C2CD3: variants seen among roughly 807,000 people sequenced by gnomAD.
C2CD3 encodes C2 domain containing 3 centriole elongation regulator.
In C2CD3, 148 loss-of-function variants were observed where a neutral mutation model predicts 234.0. That is an observed-to-expected ratio of 0.63 (90% CI 0.55 to 0.72). C2CD3 has a LOEUF of 0.72. C2CD3 is among the 30% of genes least tolerant of loss of function. The pLI is 0.00. For missense variants in C2CD3, 2,577 were observed against 2,811.5 expected (o/e 0.92, Z 1.89); for synonymous variants, 1,000 against 1,035.4 (o/e 0.97, Z 0.66).
At chr11:74,116,995 T>C (rs1420656525) in intron 9 of C2CD3, among the ~76,000 whole-genome samples, 1 of 124,254 alleles carries the variant, frequency 8.0e-6, no homozygotes, top group African/African-American at 3.1e-5. Flanking sequence ...CACATATACG[T>C]GTATATGTAT....
Position 74,028,322 on chromosome 11 carries a change from A to G in C2CD3, c.6886T>C (p.Ser2296Pro), listed in dbSNP as rs1952387944. Reference sequence around the variant, plus strand: ...GTGGCTGCTGGTGGCAAAGTTGCTGAGAGTGAAAGCATCCGCAGGGAAGCC... The same window carrying G: ...GTGGCTGCTGGTGGCAAAGTTGCTGGGAGTGAAAGCATCCGCAGGGAAGCC... Reference protein sequence around the residue: ...LEASLRMLSLSATLPPAATTD... With the variant: ...LEASLRMLSLPATLPPAATTD... Residue 2296 changes from serine to proline, a missense_variant, in exon 32 of 33, where the codon TCA (serine) becomes CCA (proline). Physicochemically the swap from Ser to Pro is moderately conservative, Grantham distance 74 (BLOSUM62 -1). Coordinates refer to ENST00000334126, the MANE Select transcript of C2CD3 (RefSeq NM_001286577.2). 1 of 1,535,958 alleles carries G rather than the reference A, an allele frequency of 6.5e-7. No individual in the cohort carries two copies. Among genetic ancestry groups the G allele is most frequent in the African/African-American group, 1.4e-5 (1 of 73,038 alleles).
intron 32 of C2CD3, among the ~76,000 whole-genome samples, chr11:74,020,031 C>T (rs926059036): frequency 1.8e-4 from 27 of 152,154 alleles, no homozygotes; most frequent in African/African-American, 6.3e-4. Flanking sequence ...TCATGCCTGG[C>T]CTTGTCTCAT....
In C2CD3 at chr11:74,049,494, A is replaced by G. The variant is rs1477881587; in HGVS notation, c.5204T>C (p.Leu1735Pro). ...GFASVDLSPL[L>P]SGFQFVCGWY... ...GCCACAGACAAACTGGAAGCCAGAG[A>G]GAAGTGGGGAGAGGTCCACCGAGGC... is the stretch of plus-strand genomic sequence containing the variant. The change falls in exon 27 of 33, where the codon CTC (leucine) becomes CCC (proline). Residue 1735 changes from leucine (L) to proline (P), a missense_variant. Coordinates refer to ENST00000334126, the MANE Select transcript of C2CD3 (RefSeq NM_001286577.2). 6.2e-7 allele frequency: 1 copy of G among 1,612,882 alleles called. No individual in the cohort carries two copies. The highest frequency in any genetic ancestry group is 1.7e-5 in the Admixed American group (1 of 60,010).
intron 24 of C2CD3, among the ~76,000 whole-genome samples, chr11:74,066,597 C>T (rs1166615145): frequency 6.6e-6 from 1 of 151,910 alleles, no homozygotes; most frequent in South Asian, 2.1e-4. Flanking sequence ...AGAAAAGTAG[C>T]TACAGCTTTG....
chr11:74,016,974 G>T (rs1311200947), intron 32 of C2CD3, among the ~76,000 whole-genome samples: 1 of 152,164 alleles, frequency 6.6e-6, no homozygotes, highest in African/African-American at 2.4e-5. Flanking sequence ...CCTGGAGCGG[G>T]AACTTAAACA....
intron 3 of C2CD3, among the ~76,000 whole-genome samples, chr11:74,152,207 G>A (rs1046166462): frequency 1.3e-5 from 2 of 152,142 alleles, no homozygotes; most frequent in African/African-American, 4.8e-5. Context: ...TATTAGGAAT[G>A]AAAGAGGAGA....
intron 30 of C2CD3, 98 bp from the exon 31 acceptor site, chr11:74,034,376 A>G (rs1952638034): frequency 1.3e-6 from 2 of 1,482,550 alleles, no homozygotes; most frequent in African/African-American, 2.8e-5. Context: ...TATGGCAATC[A>G]GACTCTGAAC....
At chr11:74,121,237 A>C (rs897588732) in intron 8 of C2CD3, among the ~76,000 whole-genome samples, 1 of 152,166 alleles carries the variant, frequency 6.6e-6, no homozygotes, top group Non-Finnish European at 1.5e-5. Context: ...AATTATTTGT[A>C]CTTAACCTCT....
rs561344417 is a variant in C2CD3, at chr11:74,095,477, A to G, written c.2980-69T>C. The stretch of plus-strand genomic sequence containing the variant: ...TTGCTTAGAATATTTCTGCTTCTCT[A>G]TGAAGTCTGAGTATAGATAAAGAGA... On this transcript the variant is annotated intron_variant, in intron 16 of 32. Transcript: ENST00000334126. 7 of 1,246,940 alleles carry G rather than the reference A, an allele frequency of 5.6e-6. No homozygotes were observed. In the African/African-American group the frequency reaches 7.5e-5, roughly 13 times the overall value. The allele number at this position is 1,246,940 out of a possible 1,614,324, so 77.2% of individuals were successfully genotyped here.
chr11:74,042,516 G>A (rs1953119048), intron 28 of C2CD3, among the ~76,000 whole-genome samples: 1 of 152,118 alleles, frequency 6.6e-6, no homozygotes, highest in Non-Finnish European at 1.5e-5. Flanking sequence ...ACTTTGGGGG[G>A]CTGAGGTGGG....
intron 30 of C2CD3, 44 bp downstream of exon 30, chr11:74,037,434 C>A (rs1401579170): frequency 6.2e-6 from 9 of 1,457,372 alleles, no homozygotes; most frequent in Non-Finnish European, 7.7e-6. Context: ...TGAATTAGCA[C>A]CTAGTGACCA....
chr11:74,116,691 C>A (rs1956937359), intron 9 of C2CD3, among the ~76,000 whole-genome samples: 1 of 151,336 alleles, frequency 6.6e-6, no homozygotes, highest in Non-Finnish European at 1.5e-5. Context: ...CTTATAGCAG[C>A]ACAATTTGCA....
intron 26 of C2CD3, among the ~76,000 whole-genome samples, chr11:74,049,872 G>A (rs1221507909): frequency 6.6e-6 from 1 of 152,044 alleles, no homozygotes; most frequent in African/African-American, 2.4e-5. Context: ...CCTCGAACTC[G>A]CAAACTCAAG....
intron 16 of C2CD3, among the ~76,000 whole-genome samples, chr11:74,097,613 T>C (rs1401523349): frequency 2.0e-5 from 3 of 152,212 alleles, no homozygotes; most frequent in African/African-American, 7.2e-5. Context: ...AAATTACTTT[T>C]AAATTACTAG....
intron 3 of C2CD3, among the ~76,000 whole-genome samples, chr11:74,142,749 GA>G (rs1387260779): frequency 2.6e-5 from 4 of 152,070 alleles, no homozygotes; most frequent in African/African-American, 4.8e-5. Flanking sequence ...TAAAACAGAA[GA>G]ATGTTCTGTC....
At chr11:74,074,648 C>T in intron 23 of C2CD3, 48 bp from the exon 24 acceptor site, 4 of 1,473,594 alleles carry the variant, frequency 2.7e-6, no homozygotes, top group Admixed American at 2.0e-5. Context: ...GGAACCAAGA[C>T]CAAGCTTGGA....
intron 3 of C2CD3, among the ~76,000 whole-genome samples, chr11:74,145,677 AG>A (rs1386144902): frequency 1.3e-5 from 2 of 152,100 alleles, no homozygotes; most frequent in African/African-American, 4.8e-5. Flanking sequence ...TTACAGTTTT[AG>A]GTTTTACATT....
chr11:74,124,626 A>AC (rs1275417191), intron 7 of C2CD3, among the ~76,000 whole-genome samples: 11 of 152,286 alleles, frequency 7.2e-5, no homozygotes, highest in African/African-American at 2.6e-4. Flanking sequence ...AAAGGTCAGA[A>AC]CAGCTTCCTA....
At chr11:74,013,796 C>A (rs1304018376) in intron 32 of C2CD3, among the ~76,000 whole-genome samples, 1 of 152,144 alleles carries the variant, frequency 6.6e-6, no homozygotes, top group Non-Finnish European at 1.5e-5. Context: ...GGGACGTGAA[C>A]CCCAGCCCTG....
Sources: allele counts gnomAD v4.1 joint callset (sites outside exome capture counted in the v4.1 genomes callset), GRCh38; gene constraint gnomAD v4.1.1; transcripts MANE v1.5; gene names NCBI Gene and HGNC (gene_info 2026-07-23, HGNC 2026-07-21).